TRPC7: variants seen among roughly 807,000 people sequenced by gnomAD.
TRPC7 encodes short transient receptor potential channel 7.
Under a neutral mutation model 90.1 loss-of-function variants are expected in TRPC7, and 42 were observed. That is an observed-to-expected ratio of 0.47 (90% confidence interval 0.36 to 0.60). The LOEUF is 0.60. Among genes scored for constraint, TRPC7 ranks in the 20% least tolerant of loss-of-function variants. TRPC7 has a pLI of 0.00. For synonymous variants in TRPC7, 451 were observed against 436.3 expected, an observed-to-expected ratio of 1.03 and a Z score of -0.42; for missense variants, 955 against 1,112.3, an observed-to-expected ratio of 0.86 and a Z score of 2.01.
chr5:136,310,499 T>C (rs546600138), intron 3 of TRPC7, among the ~76,000 whole-genome samples: 1 of 152,246 alleles, frequency 6.6e-6, no homozygotes, highest in Admixed American at 6.5e-5. Context: ...CCAGGGAGCC[T>C]GGCAGAGCCA....
intron 3 of TRPC7, among the ~76,000 whole-genome samples, chr5:136,286,861 T>C (rs546864929): frequency 2.6e-5 from 4 of 152,294 alleles, no homozygotes; most frequent in East Asian, 3.9e-4. Flanking sequence ...CTCTCCCTTC[T>C]CAGAGGTAGA....
rs541100865 is a variant in TRPC7, at chr5:136,225,284, G to C, written c.2333C>G (p.Thr778Ser). The change falls in exon 10 of 12, where the codon ACC (threonine) becomes AGC (serine). Residue 778 changes from threonine (T) to serine (S), a missense_variant. By Grantham distance (58) the Thr-to-Ser change is moderately conservative. This residue lies in a region of TRPC7 where 296 missense variants were observed against 422.7 expected (regional missense o/e 0.70). Transcript: ENST00000513104. The part of the protein sequence containing the change: ...LTANNTLSKP[T>S]RYQKIMKRLI... The stretch of plus-strand genomic sequence containing the variant: ...GAAAGGGGTGGTTACCTGGTATCTG[G>C]TGGGCTTGCTCAAAGTGTTATTTGC... 1 of 1,613,052 alleles carries C rather than the reference G, an allele frequency of 6.2e-7. No individual in the cohort carries two copies. The highest frequency in any genetic ancestry group is 1.7e-5 in the Admixed American group (1 of 59,912).
At chr5:136,280,380 G>A (rs1210632671) in intron 3 of TRPC7, among the ~76,000 whole-genome samples, 1 of 152,188 alleles carries the variant, frequency 6.6e-6, no homozygotes, top group Non-Finnish European at 1.5e-5. Flanking sequence ...GGAACCAACT[G>A]TCTAGGTATC....
intron 4 of TRPC7, among the ~76,000 whole-genome samples, chr5:136,269,510 CTGTGAT>C (rs1358866332): frequency 6.6e-6 from 1 of 152,168 alleles, no homozygotes; most frequent in Non-Finnish European, 1.5e-5. Flanking sequence ...AGCCCTGTGG[CTGTGAT>C]TGTGGTAGAT....
At chr5:136,328,774 C>A (rs1379709838) in intron 2 of TRPC7, among the ~76,000 whole-genome samples, 1 of 152,244 alleles carries the variant, frequency 6.6e-6, no homozygotes, top group Non-Finnish European at 1.5e-5. Context: ...AGAGCATAAG[C>A]ACAGATAACT....
chr5:136,233,730 A>G (rs1384994087), intron 7 of TRPC7, among the ~76,000 whole-genome samples: 2 of 152,214 alleles, frequency 1.3e-5, no homozygotes, highest in Admixed American at 6.5e-5. Context: ...TCCCTTTCTT[A>G]CCTTGGAACA....
At chr5:136,336,893 C>T (rs1759682881) in intron 2 of TRPC7, among the ~76,000 whole-genome samples, 1 of 152,140 alleles carries the variant, frequency 6.6e-6, no homozygotes, top group African/African-American at 2.4e-5. Flanking sequence ...TAAGCATCTG[C>T]CTTTATTCAT....
chr5:136,273,569 G>A (rs891445189), intron 4 of TRPC7, among the ~76,000 whole-genome samples: 6 of 152,120 alleles, frequency 3.9e-5, no homozygotes, highest in Admixed American at 2.0e-4. Flanking sequence ...TGGTTAGGTG[G>A]CCTCACCAGC....
chr5:136,355,612 C>A (rs567458664), intron 2 of TRPC7, among the ~76,000 whole-genome samples: 2 of 152,184 alleles, frequency 1.3e-5, no homozygotes, highest in African/African-American at 4.8e-5. Flanking sequence ...TCCTGGCTAA[C>A]ATGGTGAAAC....
intron 2 of TRPC7, among the ~76,000 whole-genome samples, chr5:136,319,090 T>C (rs1759113496): frequency 1.3e-5 from 2 of 152,190 alleles, no homozygotes; most frequent in East Asian, 3.9e-4. Context: ...CTTAGTGCTC[T>C]TGGGCAGTTT....
Position 136,213,460 on chromosome 5 carries a change from C to T in TRPC7, c.2564G>A (p.Arg855Lys), listed in dbSNP as rs1173368432. The stretch of plus-strand genomic sequence containing the variant: ...CTAAATGTCTTTGCCCTTGTTCACC[C>T]TCAGGTGGTCTTTGTTTAAGTTCTT... Reference protein sequence around the residue: ...FGKNLNKDHLRVNKGKDI With the variant: ...FGKNLNKDHLKVNKGKDI The change falls in exon 12 of 12, where the codon AGG (arginine) becomes AAG (lysine). Residue 855 changes from arginine (R) to lysine (K), a missense_variant. Arg to Lys is a conservative substitution (Grantham distance 26). This residue lies in a region of TRPC7 where 296 missense variants were observed against 422.7 expected (regional missense o/e 0.70). Transcript: ENST00000513104. The T allele has an allele frequency of 6.8e-6, 11 of 1,613,876 alleles. No homozygotes were observed. In the African/African-American group the frequency reaches 1.5e-4, roughly 22 times the overall value.
intron 3 of TRPC7, among the ~76,000 whole-genome samples, chr5:136,280,213 C>T (rs1325244275): frequency 6.6e-6 from 1 of 152,146 alleles, no homozygotes; most frequent in African/African-American, 2.4e-5. Context: ...ACCTCCAAGT[C>T]CCACCAAGTT....
rs367665579 is a variant in TRPC7, at chr5:136,254,808, G to GA, written c.1346-2927dup. Among the ~76,000 whole-genome samples the GA allele has an allele frequency of 8.7e-3, 1,326 of 152,308 alleles. 19 individuals are homozygous for GA. The highest frequency in any genetic ancestry group is 0.023 in the African/African-American group (963 of 41,566). ...CTGATGGATCTGGGCAAAGTAAATT[G>GA]AAACCTACTGGAAAGGATTTATCGT... is the stretch of plus-strand genomic sequence containing the variant. On this transcript the variant is annotated intron_variant, in intron 5 of 11. Coordinates refer to ENST00000513104, the MANE Select transcript of TRPC7 (RefSeq NM_020389.3).
intron 2 of TRPC7, among the ~76,000 whole-genome samples, chr5:136,347,354 T>G (rs2149855950): frequency 6.6e-6 from 1 of 152,316 alleles, no homozygotes; most frequent in South Asian, 2.1e-4. Context: ...GCATGGCATT[T>G]TGAATGTCCA....
chr5:136,261,880 G>C (rs1013921345), intron 5 of TRPC7, among the ~76,000 whole-genome samples: 1 of 152,172 alleles, frequency 6.6e-6, no homozygotes, highest in African/African-American at 2.4e-5. Context: ...CTAAATATGT[G>C]TCTCAAACTA....
chr5:136,226,458 C>T lies in TRPC7; in HGVS notation c.2041-203G>A, dbSNP rs567477656. On this transcript the variant is annotated intron_variant, in intron 8 of 11. Coordinates refer to ENST00000513104, the MANE Select transcript of TRPC7 (RefSeq NM_020389.3). ...ACAATGGTCACTTTCTGCCTGTCTT[C>T]TTTGGACTCATGGCTGAAAAGCCTC... The T allele has an allele frequency of 2.2e-5, 13 of 578,518 alleles. No individual in the cohort carries two copies. In the South Asian group the frequency reaches 2.8e-4, roughly 12 times the overall value. 35.8% of individuals were successfully genotyped at this position (578,518 alleles called of 1,614,324 possible).
intron 3 of TRPC7, among the ~76,000 whole-genome samples, chr5:136,284,883 G>A (rs74891195): frequency 0.022 from 3,296 of 152,262 alleles, 130 homozygotes; most frequent in African/African-American, 0.075. Flanking sequence ...TCTTGCCTCT[G>A]CCTGTGACTG....
chr5:136,271,859 GTCTT>G (rs1405416672), intron 4 of TRPC7, among the ~76,000 whole-genome samples: 1 of 152,092 alleles, frequency 6.6e-6, no homozygotes, highest in African/African-American at 2.4e-5. Flanking sequence ...TTATTTAACT[GTCTT>G]TCTTAGGGAC....
In TRPC7 at chr5:136,231,280, A is replaced by G. The variant is rs555139711; in HGVS notation, c.2040+74T>C. The G allele has an allele frequency of 6.3e-5, 83 of 1,309,230 alleles. No individual in the cohort carries two copies. The South Asian group carries it at 1.2e-3, about 19-fold the overall frequency. The allele number at this position is 1,309,230 out of a possible 1,614,324, so 81.1% of individuals were successfully genotyped here. ...TAACAACACATGGGCTTCTAACATC[A>G]TTCCCCTCATTGCTGAAAAAAGCAA... On this transcript the variant is annotated intron_variant, in intron 8 of 11. Transcript: ENST00000513104.
Sources: allele counts gnomAD v4.1 joint callset (sites outside exome capture counted in the v4.1 genomes callset), GRCh38; gene constraint gnomAD v4.1.1; regional missense constraint gnomAD v4.1.1; transcripts MANE v1.5; gene names NCBI Gene and HGNC (gene_info 2026-07-23, HGNC 2026-07-21).